MPI: variants seen among roughly 807,000 people sequenced by gnomAD.
MPI encodes the protein mannose phosphate isomerase.
A neutral mutation model predicts 40.1 loss-of-function variants in MPI; 33 were observed. The observed-to-expected ratio is 0.82, with a 90% CI of 0.62 to 1.10. The LOEUF (loss-of-function observed/expected upper bound fraction) is 1.10, where lower values mean the gene tolerates loss of function less well. Ranked by LOEUF, MPI falls within the 50% of genes least tolerant of loss-of-function variation. The pLI, the probability that MPI is intolerant of heterozygous loss-of-function variation, is 0.00. For missense variants in MPI, 514 were observed against 524.1 expected, an observed-to-expected ratio of 0.98 and a Z score of 0.19; for synonymous variants, 187 against 207.4, an observed-to-expected ratio of 0.90 and a Z score of 0.85.
rs539491955 is a variant in MPI, at chr15:74,898,289, C to T, written c.*559C>T. The T allele has an allele frequency of 1.6e-3, 309 of 189,188 alleles. No individual in the cohort carries two copies. Among genetic ancestry groups the T allele is most frequent in the African/African-American group, 6.9e-3 (299 of 43,448 alleles). The allele number at this position is 189,188 out of a possible 1,614,324, so 11.7% of individuals were successfully genotyped here. Reference sequence around the variant, plus strand: ...CTGTTCCTAAAGTGGGCCAAAAGAGCCCTCCCTACATGATGCCCCAGTTTT... The same window carrying T: ...CTGTTCCTAAAGTGGGCCAAAAGAGTCCTCCCTACATGATGCCCCAGTTTT... On this transcript the variant is annotated 3_prime_UTR_variant, in exon 8 of 8. Transcript: ENST00000352410.
At position 74,891,598 on chromosome 15, in the gene MPI, T is replaced by A; in HGVS notation, c.345+19T>A. 2 of 1,612,942 alleles carry A rather than the reference T, an allele frequency of 1.2e-6. No homozygotes were observed. The highest frequency in any genetic ancestry group is 1.7e-6 in the Non-Finnish European group (2 of 1,178,920). On this transcript the variant is annotated intron_variant, in intron 3 of 7. Transcript: ENST00000352410. ...TAACAAGGTAAAGGACAGAGTGCGG[T>A]GCAGAGGTCAGGGTACAGAAGGGCT...
chr15:74,897,597 G>A lies in MPI; in HGVS notation c.1139G>A (p.Ser380Asn), dbSNP rs141660799. The A allele has an allele frequency of 3.1e-4, 507 of 1,614,216 alleles. No individual in the cohort carries two copies. Among genetic ancestry groups the A allele is most frequent in the Non-Finnish European group, 4.2e-4 (490 of 1,180,028 alleles). The change falls in exon 8 of 8, where the codon AGC (serine) becomes AAC (asparagine). Residue 380 changes from serine (S) to asparagine (N), a missense_variant. Transcript: ENST00000352410. ...ATGGTACAGGGGACAGTAATAGCCA[G>A]CACACCCACAACCCAGACACCAATC... The part of the protein sequence containing the change: ...LLMVQGTVIA[S>N]TPTTQTPIPL...
Position 74,901,388 on chromosome 15 carries a change from T to C in MPI, c.*3658T>C, listed in dbSNP as rs2064952648. On this transcript the variant is annotated 3_prime_UTR_variant, in exon 8 of 8. Coordinates refer to ENST00000352410, the MANE Select transcript of MPI (RefSeq NM_002435.3). Reference sequence around the variant, plus strand: ...ATAGCAAGATATACTCTCCAATTTGTGGGTAGGGGGTGTCACAGCAGAAAT... The same window carrying C: ...ATAGCAAGATATACTCTCCAATTTGCGGGTAGGGGGTGTCACAGCAGAAAT... 1 of 152,004 alleles carries C rather than the reference T, an allele frequency of 6.6e-6. No individual in the cohort carries two copies. 9.4% of individuals were successfully genotyped at this position (152,004 alleles called of 1,614,324 possible).
rs552374011 is a variant in MPI, at chr15:74,897,470, CAG to C, written c.1054-39_1054-38del. 2,140 of 1,590,718 alleles carry C rather than the reference CAG, an allele frequency of 1.3e-3. 23 individuals are homozygous for C. The African/African-American group carries it at 0.025, about 19-fold the overall frequency. On this transcript the variant is annotated intron_variant, in intron 7 of 7. Transcript: ENST00000352410. ...TCCTGGGCCCATGAGCTGATGAGAG[CAG>C]AGTCTGAGCTGCACTGCCTTATCAT...
intron 6 of MPI, chr15:74,896,581 G>T: frequency 1.5e-6 from 1 of 649,342 alleles, no homozygotes; most frequent in South Asian, 1.7e-5. Context: ...GTCAGTGTGG[G>T]AACCACAATT....
At position 74,902,140 on chromosome 15, in the gene MPI, T is replaced by C. The variant is rs917396698; in HGVS notation, c.*4410T>C. 22 of 398,748 alleles carry C rather than the reference T, an allele frequency of 5.5e-5. No homozygotes were observed. Among genetic ancestry groups the C allele is most frequent in the African/African-American group, 3.5e-4 (17 of 48,782 alleles). The allele number at this position is 398,748 out of a possible 1,614,324, so 24.7% of individuals were successfully genotyped here. Reference sequence around the variant, plus strand: ...CAAACCATCTTAGAGCTAGGAAGAATAGAGCAAACGGAATTTCTCGAACTG... The same window carrying C: ...CAAACCATCTTAGAGCTAGGAAGAACAGAGCAAACGGAATTTCTCGAACTG... On this transcript the variant is annotated 3_prime_UTR_variant, in exon 8 of 8. Coordinates refer to ENST00000352410, the MANE Select transcript of MPI (RefSeq NM_002435.3).
chr15:74,897,316 A>G (rs1183851444), intron 7 of MPI, 97 bp downstream of exon 7: 25 of 1,494,254 alleles, frequency 1.7e-5, no homozygotes, highest in Non-Finnish European at 2.0e-5. Flanking sequence ...TTTCCTGTCA[A>G]GCCCACTTGG....
intron 2 of MPI, among the ~76,000 whole-genome samples, 180 bp from the exon 3 acceptor site, chr15:74,891,199 G>C (rs2064720877): frequency 6.6e-6 from 1 of 152,206 alleles, no homozygotes; most frequent in Non-Finnish European, 1.5e-5. Flanking sequence ...TCTGGACAAG[G>C]GCCTGGGTCT....
At chr15:74,895,898 G>C (rs2064810653) in intron 5 of MPI, 1 of 532,246 alleles carries the variant, frequency 1.9e-6, no homozygotes, top group Non-Finnish European at 3.4e-6. Flanking sequence ...CCATACTCTA[G>C]CTCTTTTAGT....
chr15:74,892,843 G>C (rs2064747740), intron 4 of MPI, 41 bp downstream of exon 4: 5 of 1,613,870 alleles, frequency 3.1e-6, no homozygotes, highest in Non-Finnish European at 4.2e-6. Context: ...TACTGGGCCA[G>C]GGATACCTGG....
intron 7 of MPI, 136 bp downstream of exon 7, chr15:74,897,355 C>T (rs539797808): frequency 2.3e-6 from 3 of 1,308,614 alleles, no homozygotes; most frequent in African/African-American, 1.4e-5. Flanking sequence ...CCTGCCCATT[C>T]CTTCCTGTAC....
intron 6 of MPI, 39 bp from the exon 7 acceptor site, chr15:74,896,972 A>G (rs2064827372): frequency 1.9e-6 from 3 of 1,597,448 alleles, no homozygotes; most frequent in South Asian, 2.2e-5. Context: ...GAGCTAAGGC[A>G]TACTTCATCA....
intron 4 of MPI, 106 bp from the exon 5 acceptor site, chr15:74,893,032 G>A (rs183853393): frequency 6.5e-4 from 965 of 1,475,508 alleles, no homozygotes; most frequent in Middle Eastern, 9.5e-4. Context: ...TAGCATTGCC[G>A]GCTCTTTGGT....
At chr15:74,896,463 C>A in intron 6 of MPI, 138 bp downstream of exon 6, 1 of 879,712 alleles carries the variant, frequency 1.1e-6, no homozygotes, top group Non-Finnish European at 1.8e-6. Context: ...TTCCTGGGCT[C>A]AGCAAGCAAC....
chr15:74,892,866 A>G, intron 4 of MPI, 64 bp downstream of exon 4: 1 of 1,611,468 alleles, frequency 6.2e-7, no homozygotes, highest in Non-Finnish European at 8.5e-7. Context: ...AACCAAGATG[A>G]TAGGAACAGT....
Position 74,899,207 on chromosome 15 carries a change from A to C in MPI, c.*1477A>C, listed in dbSNP as rs1351269957. Reference sequence around the variant, plus strand: ...GGCTGTCGGCTGTCTGCTGCTGCTGAGGTTTCTGACCTGCAATCGTAGATC... The same window carrying C: ...GGCTGTCGGCTGTCTGCTGCTGCTGCGGTTTCTGACCTGCAATCGTAGATC... On this transcript the variant is annotated 3_prime_UTR_variant, in exon 8 of 8. Coordinates refer to ENST00000352410, the MANE Select transcript of MPI (RefSeq NM_002435.3). 1.3e-5 allele frequency: 2 copies of C among 152,168 alleles called. No individual in the cohort carries two copies. Among genetic ancestry groups the C allele is most frequent in the East Asian group, 1.9e-4 (1 of 5,192 alleles). 9.4% of individuals were successfully genotyped at this position (152,168 alleles called of 1,614,324 possible). A position where few individuals can be genotyped will look rare whatever the true frequency, so the allele number is the denominator to read the frequency against.
rs12440159 is a variant in MPI, at chr15:74,896,243, C to T, written c.762C>T (p.Ile254=). Residue 254 remains isoleucine, a synonymous_variant, in exon 6 of 8, where the codon ATC becomes ATT. Transcript: ENST00000352410. ...CAGGTGATATCGGCTGCTTTGCCATCTACTTCCTGAACCTGCTTACCCTGA... is the reference window on the plus strand; with the variant it reads ...CAGGTGATATCGGCTGCTTTGCCATTTACTTCCTGAACCTGCTTACCCTGA... The part of the protein sequence containing the change: ...QYPGDIGCFA[I]YFLNLLTLKP... 10,637 of 1,614,204 alleles carry T rather than the reference C, an allele frequency of 6.6e-3. 501 individuals carry two copies. In the Admixed American group the frequency reaches 0.097, roughly 15 times the overall value.
rs1453540656 is a variant in MPI, at chr15:74,897,169, C to T, written c.1003C>T (p.Leu335Phe). The part of the protein sequence containing the change: ...LPTRSQEDPY[L>F]SIYDPPVPDF... Reference sequence around the variant, plus strand: ...AACACGGAGTCAGGAAGACCCCTACCTCTCAATCTATGACCCCCCTGTACC... The same window carrying T: ...AACACGGAGTCAGGAAGACCCCTACTTCTCAATCTATGACCCCCCTGTACC... The change falls in exon 7 of 8, where the codon CTC becomes TTC. Residue 335 changes from leucine (L) to phenylalanine (F), a missense_variant. Physicochemically the swap from Leu to Phe is conservative, Grantham distance 22. Coordinates refer to ENST00000352410, the MANE Select transcript of MPI (RefSeq NM_002435.3). The T allele has an allele frequency of 4.3e-6, 7 of 1,614,078 alleles. No individual in the cohort carries two copies. The African/African-American group carries it at 5.3e-5, about 12-fold the overall frequency.
At chr15:74,891,178 T>C (rs2064720436) in intron 2 of MPI, 4 of 639,934 alleles carry the variant, frequency 6.3e-6, no homozygotes, top group Non-Finnish European at 1.1e-5. Context: ...CATAGATGGC[T>C]AGAGGCCGAG....
Sources: allele counts gnomAD v4.1 joint callset (sites outside exome capture counted in the v4.1 genomes callset), GRCh38; gene constraint gnomAD v4.1.1; transcripts MANE v1.5; gene names NCBI Gene and HGNC (gene_info 2026-07-23, HGNC 2026-07-21).